Variants in SEMA5A observed in about 807,000 individuals in gnomAD.
The protein encoded by SEMA5A is semaphorin-5A.
A neutral mutation model predicts 135.5 loss-of-function variants in SEMA5A; 55 were observed. The ratio of observed to expected loss-of-function variants is 0.41; its 90% CI spans 0.33 to 0.51. The LOEUF (loss-of-function observed/expected upper bound fraction) is 0.51, where lower values mean the gene tolerates loss of function less well. SEMA5A is among the 20% of genes least tolerant of loss of function. SEMA5A has a pLI of 0.37. For synonymous variants in SEMA5A, 580 were observed against 546.5 expected (o/e 1.06, Z -0.85); for missense variants, 1,290 against 1,419.9 (o/e 0.91, Z 1.47).
At chr5:9,336,977 A>T (rs969102746) in intron 4 of SEMA5A, among the ~76,000 whole-genome samples, 2 of 152,172 alleles carry the variant, frequency 1.3e-5, no homozygotes, top group Non-Finnish European at 2.9e-5. Context: ...TAAAAGATGG[A>T]TATATAATCC....
rs1296280752 is a variant in SEMA5A, at chr5:9,103,684, A to T, written c.2073+4456T>A. On this transcript the variant is annotated intron_variant, in intron 16 of 22. Transcript: ENST00000382496. ...TTGTAAATTATTTTTGCTGTATCTGACGCTGTCTTTGGCTCTGATACAGCA... is the reference window on the plus strand; with the variant it reads ...TTGTAAATTATTTTTGCTGTATCTGTCGCTGTCTTTGGCTCTGATACAGCA... 2.0e-5 allele frequency among the ~76,000 whole-genome samples: 3 copies of T among 152,204 alleles called. No homozygotes were observed. The East Asian group carries it at 5.8e-4, about 29-fold the overall frequency.
In SEMA5A at chr5:9,204,551, G is replaced by C. The variant is rs1745904641; in HGVS notation, c.647-2311C>G. Among the ~76,000 whole-genome samples the C allele has an allele frequency of 6.6e-6, 1 of 152,182 alleles. No homozygotes were observed. The highest frequency in any genetic ancestry group is 2.1e-4 in the South Asian group (1 of 4,828). The stretch of plus-strand genomic sequence containing the variant: ...AGTCTTGTGCCAAGATCTGTGCTTG[G>C]TGCTTTATATCCCCATTGAACTCAC... On this transcript the variant is annotated intron_variant, in intron 8 of 22. Coordinates refer to ENST00000382496, the MANE Select transcript of SEMA5A (RefSeq NM_003966.3). This position sits in a 1 kb window ranked among gnomAD's most constrained non-coding sequence, Gnocchi z 6.4.
At chr5:9,324,016 A>C (rs544350974) in intron 4 of SEMA5A, among the ~76,000 whole-genome samples, 1 of 151,904 alleles carries the variant, frequency 6.6e-6, no homozygotes, top group Admixed American at 6.6e-5. Flanking sequence ...TCACTACACA[A>C]ACAGTTTAGT....
intron 5 of SEMA5A, among the ~76,000 whole-genome samples, chr5:9,238,540 A>G (rs1213029198): frequency 6.6e-6 from 1 of 152,138 alleles, no homozygotes; most frequent in Non-Finnish European, 1.5e-5. Context: ...TATGCTGATT[A>G]ATTTGCTATG....
At chr5:9,417,697 T>A (rs1041559324) in intron 2 of SEMA5A, among the ~76,000 whole-genome samples, 1 of 152,210 alleles carries the variant, frequency 6.6e-6, no homozygotes. Flanking sequence ...GATCAGCACA[T>A]CCCTTGCCTA....
intron 16 of SEMA5A, among the ~76,000 whole-genome samples, chr5:9,082,346 C>T (rs779741005): frequency 6.6e-6 from 1 of 152,116 alleles, no homozygotes; most frequent in Non-Finnish European, 1.5e-5. Flanking sequence ...AAATATCCAC[C>T]TCCTTTAACA....
At chr5:9,162,438 ATGTG>A (rs1743313230) in intron 11 of SEMA5A, among the ~76,000 whole-genome samples, 3 of 142,264 alleles carry the variant, frequency 2.1e-5, no homozygotes, top group East Asian at 2.1e-4. Context: ...ATGTATATAT[ATGTG>A]TATGTGTATA....
chr5:9,151,554 G>A (rs571020286), intron 12 of SEMA5A, among the ~76,000 whole-genome samples: 49 of 152,084 alleles, frequency 3.2e-4, no homozygotes, highest in African/African-American at 1.1e-3. Context: ...AAATGTTTGT[G>A]CAGTTATTTT....
chr5:9,054,249 C>A lies in SEMA5A; in HGVS notation c.2527G>T (p.Val843Leu). The stretch of plus-strand genomic sequence containing the variant: ...GTCCAGGGGGACCAGCAAGACCACA[C>A]GCCATCCACTGTGAAGAAACACAAT... ...CNILPCPVDGVWSCWSPWTKC... is the reference protein window; with the variant it reads ...CNILPCPVDGLWSCWSPWTKC... Residue 843 changes from valine (V) to leucine (L), a missense_variant, in exon 19 of 23, where the codon GTG becomes TTG. Coordinates refer to ENST00000382496, the MANE Select transcript of SEMA5A (RefSeq NM_003966.3). The A allele has an allele frequency of 1.2e-6, 2 of 1,612,502 alleles. No homozygotes were observed. The highest frequency in any genetic ancestry group is 2.2e-5 in the East Asian group (1 of 44,806).
chr5:9,428,071 AAT>A (rs1244305863), intron 2 of SEMA5A, among the ~76,000 whole-genome samples: 4 of 122,742 alleles, frequency 3.3e-5, no homozygotes, highest in African/African-American at 1.2e-4. Context: ...TATGTGTGTA[AAT>A]ATATATATGT....
chr5:9,474,013 G>A (rs1323784410), intron 1 of SEMA5A, among the ~76,000 whole-genome samples: 1 of 152,146 alleles, frequency 6.6e-6, no homozygotes. Context: ...AACATATGGG[G>A]CATGTAAGAT....
chr5:9,163,587 T>C lies in SEMA5A; in HGVS notation c.1274-8892A>G, dbSNP rs138117485. Among the ~76,000 whole-genome samples the C allele has an allele frequency of 4.2e-3, 647 of 152,312 alleles. 3 individuals carry two copies. The highest frequency in any genetic ancestry group is 0.011 in the Admixed American group (175 of 15,288). Reference sequence around the variant, plus strand: ...AAGGTAAATATGCCTTATACTAAGATAGAGTCTGTTATGAGCTGAACTGTG... The same window carrying C: ...AAGGTAAATATGCCTTATACTAAGACAGAGTCTGTTATGAGCTGAACTGTG... On this transcript the variant is annotated intron_variant, in intron 11 of 22. Transcript: ENST00000382496.
chr5:9,202,371 G>GAC, intron 8 of SEMA5A, 131 bp from the exon 9 acceptor site: 1 of 730,218 alleles, frequency 1.4e-6, no homozygotes, highest in South Asian at 3.1e-5. Context: ...AGGACTATTG[G>GAC]GAGGCCCCGT....
At chr5:9,290,090 GGT>G (rs1196329939) in intron 5 of SEMA5A, among the ~76,000 whole-genome samples, 1 of 151,924 alleles carries the variant, frequency 6.6e-6, no homozygotes, top group Non-Finnish European at 1.5e-5. Context: ...GGAAACAGGT[GGT>G]GTTTGGTTAT....
intron 18 of SEMA5A, among the ~76,000 whole-genome samples, chr5:9,059,208 T>C (rs1737053362): frequency 6.6e-6 from 1 of 152,102 alleles, no homozygotes; most frequent in South Asian, 2.1e-4. Flanking sequence ...AGGGTACATG[T>C]GCCAAACTCT....
intron 3 of SEMA5A, among the ~76,000 whole-genome samples, chr5:9,338,752 T>C (rs1025744060): frequency 6.6e-6 from 1 of 152,124 alleles, no homozygotes; most frequent in Non-Finnish European, 1.5e-5. Context: ...GAGGAAAAAG[T>C]GTGTGATACA....
chr5:9,060,066 G>A (rs1157833176), intron 18 of SEMA5A, among the ~76,000 whole-genome samples: 2 of 152,028 alleles, frequency 1.3e-5, no homozygotes, highest in Non-Finnish European at 1.5e-5. Flanking sequence ...CTCCCTGCTG[G>A]GTCATGCCCG....
intron 3 of SEMA5A, among the ~76,000 whole-genome samples, chr5:9,373,137 G>C (rs757683812): frequency 3.3e-5 from 5 of 152,166 alleles, no homozygotes; most frequent in Non-Finnish European, 7.3e-5. Flanking sequence ...AGCCAACTCA[G>C]AGTTACAAAA....
chr5:9,517,281 G>T (rs1736584842), intron 1 of SEMA5A: 1 of 152,208 alleles, frequency 6.6e-6, no homozygotes, highest in African/African-American at 2.4e-5. Flanking sequence ...AATTCATGTG[G>T]TCTGTTCACT....
Sources: gnomAD v4.1 joint callset for allele counts (sites outside exome capture counted in the v4.1 genomes callset) on GRCh38, gnomAD v4.1.1 for gene constraint, Gnocchi (gnomAD v3.1) non-coding constraint, MANE v1.5 for transcripts, NCBI Gene and HGNC (gene_info 2026-07-23, HGNC 2026-07-21) for gene names.